TRAPPC9: variants seen among roughly 807,000 people sequenced by gnomAD.
TRAPPC9 encodes IKK2 binding protein.
A neutral mutation model predicts 124.0 loss-of-function variants in TRAPPC9; 83 were observed. The ratio of observed to expected loss-of-function variants is 0.67; its 90% CI spans 0.56 to 0.80. The LOEUF is 0.80. Among genes scored for constraint, TRAPPC9 ranks in the 30% least tolerant of loss-of-function variants. TRAPPC9 has a pLI of 0.00. For synonymous variants in TRAPPC9, 638 were observed against 617.5 expected (o/e 1.03, Z -0.49); for missense variants, 1,302 against 1,508.3 (o/e 0.86, Z 2.27).
intron 21 of TRAPPC9, among the ~76,000 whole-genome samples, chr8:139,778,402 C>G (rs1298063518): frequency 6.6e-6 from 1 of 152,098 alleles, no homozygotes; most frequent in Non-Finnish European, 1.5e-5. Flanking sequence ...ATGTCTGGCA[C>G]CCAATGAAAG....
chr8:140,286,737 G>A (rs867600568), intron 13 of TRAPPC9, among the ~76,000 whole-genome samples: 7 of 152,232 alleles, frequency 4.6e-5, no homozygotes, highest in Middle Eastern at 3.4e-3. Flanking sequence ...TATGCGAGGC[G>A]CCCAGGGGCC....
chr8:140,443,131 C>CAAAAAAAAA lies in TRAPPC9; in HGVS notation c.585-3943_585-3935dup, dbSNP rs1177286944. On this transcript the variant is annotated intron_variant, in intron 2 of 22. Transcript: ENST00000438773. ...CTGGCAACGGAGCGAGACTCCATCTCAAAAAAAAAAAAAAAAAAAAAAAGC... is the reference window on the plus strand; with the variant it reads ...CTGGCAACGGAGCGAGACTCCATCTCAAAAAAAAAAAAAAAAAAAAAAAAAAAAAAAAGC... Among the ~76,000 whole-genome samples, 9 of 43,988 alleles carry CAAAAAAAAA rather than the reference C, an allele frequency of 2.0e-4. 1 individual carries two copies. Among genetic ancestry groups the CAAAAAAAAA allele is most frequent in the East Asian group, 3.6e-4 (1 of 2,758 alleles). The allele number at this position is 43,988 out of a possible 152,430, so 28.9% of individuals were successfully genotyped here.
intron 9 of TRAPPC9, among the ~76,000 whole-genome samples, chr8:140,346,751 AG>A (rs1229550593): frequency 6.6e-6 from 1 of 152,240 alleles, no homozygotes; most frequent in Admixed American, 6.5e-5. Context: ...AAGTTGTTTC[AG>A]GTGTTAAAAT....
At chr8:140,236,518 T>C (rs191085248) in intron 16 of TRAPPC9, among the ~76,000 whole-genome samples, 5 of 152,378 alleles carry the variant, frequency 3.3e-5, no homozygotes, top group African/African-American at 7.2e-5. Flanking sequence ...CTGAAAATTA[T>C]TTATATCATG....
chr8:139,737,361 C>G (rs1465735967), intron 21 of TRAPPC9, among the ~76,000 whole-genome samples: 1 of 149,930 alleles, frequency 6.7e-6, no homozygotes, highest in Non-Finnish European at 1.5e-5. Flanking sequence ...CGGCTGGTCC[C>G]CAGGAGGTGG....
intron 19 of TRAPPC9, among the ~76,000 whole-genome samples, chr8:139,946,082 G>C (rs768949641): frequency 1.3e-5 from 2 of 152,204 alleles, no homozygotes; most frequent in Non-Finnish European, 2.9e-5. Context: ...ACAAATGTGT[G>C]TGGAAATCCC....
rs2070039834 is a variant in TRAPPC9 at position 140,418,741 on chromosome 8, G to GATAC, written c.886+7873_886+7874insGTAT. ...TCTCAAAAAGATAGATAGATAGATAGATAGATAGATAGATAGATAGATAGA... is the reference window on the plus strand; with the variant it reads ...TCTCAAAAAGATAGATAGATAGATAGATACATAGATAGATAGATAGATAGATAGA... On this transcript the variant is annotated intron_variant, in intron 5 of 22. Coordinates refer to ENST00000438773, the MANE Select transcript of TRAPPC9 (RefSeq NM_001160372.4). Among the ~76,000 whole-genome samples, 6 of 146,120 alleles carry GATAC rather than the reference G, an allele frequency of 4.1e-5. No individual in the cohort carries two copies. In the Admixed American group the frequency reaches 4.1e-4, roughly 10 times the overall value.
chr8:140,109,093 T>C (rs960204085), intron 17 of TRAPPC9, among the ~76,000 whole-genome samples: 1 of 152,086 alleles, frequency 6.6e-6, no homozygotes, highest in African/African-American at 2.4e-5. Context: ...TCTAGGTACA[T>C]GTTTGGATTT....
rs1454037238 is a variant in TRAPPC9 at position 140,287,608 on chromosome 8, C to A, written c.1981G>T (p.Gly661Cys). 1 of 1,614,108 alleles carries A rather than the reference C, an allele frequency of 6.2e-7. No individual in the cohort carries two copies. The highest frequency in any genetic ancestry group is 8.5e-7 in the Non-Finnish European group (1 of 1,179,984). ...GGAAGCATGAAGGGACTCTCCTTAC[C>A]GTTCACAGTAATCGTTCCAGTCGTC... The part of the protein sequence containing the change: ...PQTTGTITVN[G>C]YHTTVFGVFS... The change falls in exon 13 of 23, where the codon GGT becomes TGT. Residue 661 changes from glycine (G) to cysteine (C), a missense_variant and splice_region_variant. Around this residue, in one of 3 missense-constraint regions of TRAPPC9, gnomAD observed 640 missense variants for 679.3 expected, o/e 0.94. Coordinates refer to ENST00000438773, the MANE Select transcript of TRAPPC9 (RefSeq NM_001160372.4).
rs571713742 is a variant in TRAPPC9 at position 140,339,017 on chromosome 8, C to T, written c.1495+21033G>A. The stretch of plus-strand genomic sequence containing the variant: ...CTCAGAGAAAACCAACGCCACCAGA[C>T]GGCCACCTACAGGCCGACGGGAAAC... On this transcript the variant is annotated intron_variant, in intron 9 of 22. Coordinates refer to ENST00000438773, the MANE Select transcript of TRAPPC9 (RefSeq NM_001160372.4). Among the ~76,000 whole-genome samples, 5 of 145,808 alleles carry T rather than the reference C, an allele frequency of 3.4e-5. No homozygotes were observed. The East Asian group carries it at 8.1e-4, about 24-fold the overall frequency.
chr8:140,068,609 G>A (rs539925175), intron 17 of TRAPPC9, among the ~76,000 whole-genome samples: 2 of 152,250 alleles, frequency 1.3e-5, no homozygotes, highest in South Asian at 4.2e-4. Flanking sequence ...AAATCAGGCC[G>A]CTAGTTAAAC....
rs1278029833 is a variant in TRAPPC9, at chr8:139,825,524, C to G, written c.3055+60355G>C. ...CAACCTCAGACCTCAGGATCTGAAT[C>G]TCCACTCAGAGAATCTCTGCCCTTA... On this transcript the variant is annotated intron_variant, in intron 21 of 22. Transcript: ENST00000438773. The surrounding 1 kb of genome is among the most constrained non-coding windows in gnomAD (Gnocchi z 4.6). Among the ~76,000 whole-genome samples, 1 of 152,182 alleles carries G rather than the reference C, an allele frequency of 6.6e-6. No homozygotes were observed. The highest frequency in any genetic ancestry group is 1.5e-5 in the Non-Finnish European group (1 of 68,038).
At chr8:139,902,609 C>T (rs896979355) in intron 20 of TRAPPC9, among the ~76,000 whole-genome samples, 3 of 152,222 alleles carry the variant, frequency 2.0e-5, no homozygotes, top group Non-Finnish European at 4.4e-5. Flanking sequence ...ACTATTTCTC[C>T]AAACATAACG....
intron 7 of TRAPPC9, among the ~76,000 whole-genome samples, chr8:140,376,873 C>CAA (rs36002702): frequency 0.036 from 4,097 of 112,762 alleles, 134 homozygotes; most frequent in African/African-American, 0.1. Context: ...GGCTCCATCT[C>CAA]AAAAAAAAAA....
chr8:140,072,135 T>C (rs1268601797), intron 17 of TRAPPC9, among the ~76,000 whole-genome samples: 1 of 152,254 alleles, frequency 6.6e-6, no homozygotes, highest in Non-Finnish European at 1.5e-5. Context: ...TTTATTTTGT[T>C]GGTGTGGTTT....
chr8:139,905,877 G>A (rs1447869340), intron 20 of TRAPPC9, among the ~76,000 whole-genome samples: 2 of 152,022 alleles, frequency 1.3e-5, no homozygotes, highest in Admixed American at 6.5e-5. Context: ...GGCGGATCAC[G>A]AGGTCAGGAG....
intron 17 of TRAPPC9, among the ~76,000 whole-genome samples, chr8:140,207,143 A>G (rs1158803361): frequency 6.6e-6 from 1 of 152,182 alleles, no homozygotes; most frequent in Non-Finnish European, 1.5e-5. Context: ...AACCTCCTTC[A>G]CCATAAGAAC....
chr8:139,905,987 G>A (rs573828594), intron 20 of TRAPPC9, among the ~76,000 whole-genome samples: 5 of 152,102 alleles, frequency 3.3e-5, no homozygotes, highest in African/African-American at 9.6e-5. Context: ...CCAGCTACTC[G>A]GGGGGCTGAG....
chr8:140,135,558 C>T (rs1159670357), intron 17 of TRAPPC9, among the ~76,000 whole-genome samples: 1 of 152,138 alleles, frequency 6.6e-6, no homozygotes, highest in East Asian at 1.9e-4. Context: ...CTGTATAATT[C>T]CACATACTGA....
Sources: gnomAD v4.1 joint callset for allele counts (sites outside exome capture counted in the v4.1 genomes callset) on GRCh38, gnomAD v4.1.1 for gene constraint, gnomAD v4.1.1 regional missense constraint, Gnocchi (gnomAD v3.1) non-coding constraint, MANE v1.5 for transcripts, NCBI Gene and HGNC (gene_info 2026-07-23, HGNC 2026-07-21) for gene names.